The following AMHR2 variants were observed in gnomAD, a reference collection of about 807,000 sequenced individuals.
AMHR2 encodes anti-Mullerian hormone receptor type 2, also known as anti-Muellerian hormone type-2 receptor.
A neutral mutation model predicts 61.4 loss-of-function variants in AMHR2; 36 were observed. That is an observed-to-expected ratio of 0.59 (90% CI 0.45 to 0.77). The LOEUF is 0.77. AMHR2 is among the 30% of genes least tolerant of loss of function. The pLI is 0.00. For synonymous variants in AMHR2, 258 were observed against 279.4 expected, an observed-to-expected ratio of 0.92 and a Z score of 0.76; for missense variants, 638 against 714.6, an observed-to-expected ratio of 0.89 and a Z score of 1.22.
chr12:53,431,166 A>T lies in AMHR2; in HGVS notation c.1426-11A>T. Reference sequence around the variant, plus strand: ...CTAGGGTCAACCCTTCCTCCCTGTCATTCCCCCCAGGACCCTGATGGGCTG... The same window carrying T: ...CTAGGGTCAACCCTTCCTCCCTGTCTTTCCCCCCAGGACCCTGATGGGCTG... On this transcript the variant is annotated splice_polypyrimidine_tract_variant and intron_variant, in intron 10 of 10. Transcript: ENST00000257863. The T allele has an allele frequency of 6.2e-7, 1 of 1,613,932 alleles. No homozygotes were observed. The highest frequency in any genetic ancestry group is 8.5e-7 in the Non-Finnish European group (1 of 1,180,022).
intron 10 of AMHR2, chr12:53,430,748 A>C (rs1359896662): frequency 5.7e-6 from 2 of 349,892 alleles, no homozygotes. Flanking sequence ...AGGTGAAAGC[A>C]GTGGCGTCAC....
At chr12:53,429,323 C>T (rs1939900448) in intron 7 of AMHR2, 130 bp from the exon 8 acceptor site, 9 of 990,968 alleles carry the variant, frequency 9.1e-6, no homozygotes, top group South Asian at 1.4e-5. Context: ...ACCCGGGAGG[C>T]GGAGGTTGCA....
At position 53,424,065 on chromosome 12, in the gene AMHR2, G is replaced by A; in HGVS notation, c.49+82G>A. 2.6e-6 allele frequency: 4 copies of A among 1,528,628 alleles called. No homozygotes were observed. In the South Asian group the frequency reaches 4.5e-5, roughly 17 times the overall value. 94.7% of individuals were successfully genotyped at this position (1,528,628 alleles called of 1,614,324 possible). A position where few individuals can be genotyped will look rare whatever the true frequency, so the allele number is the denominator to read the frequency against. On this transcript the variant is annotated intron_variant, in intron 1 of 10. Coordinates refer to ENST00000257863, the MANE Select transcript of AMHR2 (RefSeq NM_020547.3). ...CGCTTGAAGCAAGAGCCACCCCTTT[G>A]GAAGAGTGGTGAGTGGGCTGGGTGA... is the stretch of plus-strand genomic sequence containing the variant.
Position 53,425,820 on chromosome 12 carries a change from C to T in AMHR2, c.753C>T (p.Gly251=). The T allele has an allele frequency of 6.2e-7, 1 of 1,614,144 alleles. No homozygotes were observed. The highest frequency in any genetic ancestry group is 1.3e-5 in the African/African-American group (1 of 75,020). Residue 251 remains glycine, a synonymous_variant, in exon 6 of 11, where the codon GGC becomes GGT. Transcript: ENST00000257863. ...QAERALYELP[G]LQHDHIVRFI... is the part of the protein sequence containing the mutation. ...AGAGAGCATTGTACGAACTTCCAGG[C>T]CTACAGCACGACCACATTGTCCGAT...
intron 10 of AMHR2, 160 bp downstream of exon 10, chr12:53,430,442 C>A: frequency 9.1e-7 from 1 of 1,102,078 alleles, no homozygotes; most frequent in Non-Finnish European, 1.3e-6. Flanking sequence ...CTCCTCTCCC[C>A]GTCAGTTCAT....
chr12:53,424,015 C>T, intron 1 of AMHR2, 32 bp downstream of exon 1: 1 of 1,612,780 alleles, frequency 6.2e-7, no homozygotes, highest in Non-Finnish European at 8.5e-7. Flanking sequence ...AAGGGTCTCT[C>T]CATCCATCCA....
Position 53,425,540 on chromosome 12 carries a change from G to C in AMHR2, c.588G>C (p.Glu196Asp), listed in dbSNP as rs1447886200. ...ACTCAGGCAGGGACTGGAGTGTGGA[G>C]CTGCAGGAGCTGCCTGAGCTGTGTT... ...RPDSGRDWSVELQELPELCFS... is the reference protein window; with the variant it reads ...RPDSGRDWSVDLQELPELCFS... Residue 196 changes from glutamate (E) to aspartate (D), a missense_variant, in exon 5 of 11, where the codon GAG becomes GAC. By Grantham distance (45) the Glu-to-Asp change is conservative (BLOSUM62 2). Transcript: ENST00000257863. The C allele has an allele frequency of 1.2e-6, 2 of 1,613,916 alleles. No homozygotes were observed. The highest frequency in any genetic ancestry group is 1.7e-6 in the Non-Finnish European group (2 of 1,180,032).
intron 7 of AMHR2, 40 bp downstream of exon 7, chr12:53,429,050 G>A: frequency 6.7e-7 from 1 of 1,491,192 alleles, no homozygotes; most frequent in Non-Finnish European, 9.1e-7. Context: ...GAGCCACAGT[G>A]CTATGTTTGT....
At position 53,424,293 on chromosome 12, in the gene AMHR2, C is replaced by T; in HGVS notation, c.55C>T (p.Pro19Ser). 1 of 1,612,460 alleles carries T rather than the reference C, an allele frequency of 6.2e-7. No homozygotes were observed. The change falls in exon 2 of 11, where the codon CCA becomes TCA. Residue 19 changes from proline (P) to serine (S), a missense_variant. By Grantham distance (74) the Pro-to-Ser change is moderately conservative. Transcript: ENST00000257863. ...TTCCCCACCCTGGGCCTCAGCACCC[C>T]CAAACAGGCGAACCTGTGTGTTCTT... Reference protein sequence around the residue: ...ALLPTAVEAPPNRRTCVFFEA... With the variant: ...ALLPTAVEAPSNRRTCVFFEA...
chr12:53,431,481 G>C lies in AMHR2; in HGVS notation c.*8G>C, dbSNP rs1364353456. 1 of 1,614,174 alleles carries C rather than the reference G, an allele frequency of 6.2e-7. No individual in the cohort carries two copies. Among genetic ancestry groups the C allele is most frequent in the South Asian group, 1.1e-5 (1 of 91,078 alleles). ...ACCCTTTCTCCTGTGTAAATATGCA[G>C]TTTATGTGTCATCAATGTACATGCC... On this transcript the variant is annotated 3_prime_UTR_variant, in exon 11 of 11. Coordinates refer to ENST00000257863, the MANE Select transcript of AMHR2 (RefSeq NM_020547.3).
At position 53,428,997 on chromosome 12, in the gene AMHR2, G is replaced by T; in HGVS notation, c.954G>T (p.Glu318Asp). 6.4e-7 allele frequency: 1 copy of T among 1,551,272 alleles called. No homozygotes were observed. ...AGGGCCTGGCATTTCTCCATGAGGA[G>T]CGCTGGCAGAATGGTGGGTGAGCTG... ...LAQGLAFLHE[E>D]RWQNGQYKPG... Residue 318 changes from glutamate to aspartate, a missense_variant, in exon 7 of 11, where the codon GAG becomes GAT. Glu to Asp is a conservative substitution (Grantham distance 45). Transcript: ENST00000257863.
At chr12:53,427,723 A>G (rs1939739385) in intron 6 of AMHR2, among the ~76,000 whole-genome samples, 1 of 152,146 alleles carries the variant, frequency 6.6e-6, no homozygotes, top group South Asian at 2.1e-4. Flanking sequence ...CTTTAAACAC[A>G]TTTCCAAACT....
Position 53,425,173 on chromosome 12 carries a change from A to G in AMHR2, c.433A>G (p.Ile145Val), listed in dbSNP as rs1405680952. The change falls in exon 4 of 11, where the codon ATC becomes GTC. Residue 145 changes from isoleucine (I) to valine (V), a missense_variant. Coordinates refer to ENST00000257863, the MANE Select transcript of AMHR2 (RefSeq NM_020547.3). ...CTTGCCTTGATGTCCAGGTGAGTCC[A>G]TCTGGATGGCACTGGTGCTGCTGGG... ...QGPQAAPGES[I>V]WMALVLLGLF... 1 of 1,613,914 alleles carries G rather than the reference A, an allele frequency of 6.2e-7. No homozygotes were observed. The highest frequency in any genetic ancestry group is 2.2e-5 in the East Asian group (1 of 44,870).
rs891414427 is a variant in AMHR2, at chr12:53,424,590, A to G, written c.233-119A>G. 2.2e-4 allele frequency: 347 copies of G among 1,545,030 alleles called. 4 individuals carry two copies. The South Asian group carries it at 2.3e-3, about 10-fold the overall frequency. On this transcript the variant is annotated intron_variant, in intron 2 of 10. Coordinates refer to ENST00000257863, the MANE Select transcript of AMHR2 (RefSeq NM_020547.3). Reference sequence around the variant, plus strand: ...AACATCTGGTGGGAAAGAAAAGCCCATGAGAGCTGGAAGGGACGCCTCTGA... The same window carrying G: ...AACATCTGGTGGGAAAGAAAAGCCCGTGAGAGCTGGAAGGGACGCCTCTGA...
chr12:53,430,032 G>A, intron 9 of AMHR2, 54 bp downstream of exon 9: 2 of 1,614,130 alleles, frequency 1.2e-6, no homozygotes, highest in Non-Finnish European at 1.7e-6. Flanking sequence ...CCCATTCTAG[G>A]TTCACCCCAA....
rs115256747 is a variant in AMHR2 at position 53,424,306 on chromosome 12, C to G, written c.68C>G (p.Thr23Ser). Reference protein sequence around the residue: ...TAVEAPPNRRTCVFFEAPGVR... With the variant: ...TAVEAPPNRRSCVFFEAPGVR... ...GCCTCAGCACCCCCAAACAGGCGAA[C>G]CTGTGTGTTCTTTGAGGCCCCTGGA... The change falls in exon 2 of 11, where the codon ACC (threonine) becomes AGC (serine). Residue 23 changes from threonine to serine, a missense_variant. Coordinates refer to ENST00000257863, the MANE Select transcript of AMHR2 (RefSeq NM_020547.3). The G allele has an allele frequency of 4.3e-6, 7 of 1,612,520 alleles. No homozygotes were observed. Among genetic ancestry groups the G allele is most frequent in the Middle Eastern group, 4.2e-4 (2 of 4,814 alleles).
At chr12:53,426,941 C>G (rs12811015) in intron 6 of AMHR2, among the ~76,000 whole-genome samples, 23,681 of 148,308 alleles carry the variant, frequency 0.16, 1,980 homozygotes, top group Admixed American at 0.19. Context: ...TCTTAGCCCC[C>G]CAAAGTGCTG....
Position 53,431,552 on chromosome 12 carries a change from T to G in AMHR2, c.*79T>G. On this transcript the variant is annotated 3_prime_UTR_variant, in exon 11 of 11. Transcript: ENST00000257863. ...ATAGCTGTCTTGTCTGCCTCATCAC[T>G]GCATTTCCCACCTGCCGAATCCTTG... 3.2e-6 allele frequency: 5 copies of G among 1,569,860 alleles called. No individual in the cohort carries two copies. Among genetic ancestry groups the G allele is most frequent in the Non-Finnish European group, 4.4e-6 (5 of 1,143,692 alleles).
At chr12:53,427,655 G>A (rs1324765797) in intron 6 of AMHR2, among the ~76,000 whole-genome samples, 17 of 152,068 alleles carry the variant, frequency 1.1e-4, no homozygotes, top group East Asian at 5.8e-4. Context: ...TGCCTGCCTC[G>A]GCCTCCCAAA....
Sources: allele counts gnomAD v4.1 joint callset (sites outside exome capture counted in the v4.1 genomes callset), GRCh38; gene constraint gnomAD v4.1.1; transcripts MANE v1.5; gene names NCBI Gene and HGNC (gene_info 2026-07-23, HGNC 2026-07-21).